Variants in WDFY3 observed in about 807,000 individuals in gnomAD.
The protein encoded by WDFY3 is WD repeat and FYVE domain containing 3, also known as WD repeat and FYVE domain-containing protein 3.
A neutral mutation model predicts 409.6 loss-of-function variants in WDFY3; 66 were observed. The ratio of observed to expected loss-of-function variants is 0.16; its 90% CI spans 0.13 to 0.20. The LOEUF (loss-of-function observed/expected upper bound fraction) is 0.20, where lower values mean the gene tolerates loss of function less well. Ranked by LOEUF, WDFY3 falls within the 10% of genes least tolerant of loss-of-function variation. The pLI, the probability that WDFY3 is intolerant of heterozygous loss-of-function variation, is 1.00. For missense variants in WDFY3, 3,031 were observed against 4,298.1 expected, an observed-to-expected ratio of 0.71 and a Z score of 8.24; for synonymous variants, 1,521 against 1,537.1, an observed-to-expected ratio of 0.99 and a Z score of 0.25.
At chr4:84,955,276 G>C (rs902936888) in intron 1 of WDFY3, among the ~76,000 whole-genome samples, 1 of 151,742 alleles carries the variant, frequency 6.6e-6, no homozygotes, top group Non-Finnish European at 1.5e-5. Flanking sequence ...AAGAAGAACA[G>C]TAAAGAGGAA....
intron 32 of WDFY3, among the ~76,000 whole-genome samples, chr4:84,759,903 C>T (rs1742216176): frequency 6.7e-6 from 1 of 149,148 alleles, no homozygotes; most frequent in African/African-American, 2.5e-5. Context: ...GGAATGCTTC[C>T]AGTTTTTGCC....
intron 45 of WDFY3, 43 bp downstream of exon 45, chr4:84,726,818 A>AC: frequency 6.4e-7 from 1 of 1,569,588 alleles, no homozygotes; most frequent in Non-Finnish European, 8.6e-7. Flanking sequence ...AAAAAACAAA[A>AC]CTACAAGTAG....
chr4:84,801,420 G>A (rs913758684), intron 17 of WDFY3, among the ~76,000 whole-genome samples: 1 of 152,186 alleles, frequency 6.6e-6, no homozygotes, highest in Non-Finnish European at 1.5e-5. Flanking sequence ...GTGAGAGCTT[G>A]CTAGATTCAA....
Position 84,693,915 on chromosome 4 carries a change from T to G in WDFY3, c.8902-883A>C, listed in dbSNP as rs893984953. 3.5e-4 allele frequency among the ~76,000 whole-genome samples: 51 copies of G among 146,122 alleles called. 1 individual carries two copies. The highest frequency in any genetic ancestry group is 1.2e-3 in the African/African-American group (46 of 39,296). On this transcript the variant is annotated intron_variant, in intron 58 of 67. Transcript: ENST00000295888. ...CGTCTCAAAAAAAAAAAAAAAAAAG[T>G]ACATTTAAGATTACTATTTTTCAAT...
intron 63 of WDFY3, 107 bp from the exon 64 acceptor site, chr4:84,682,577 T>A: frequency 1.1e-6 from 1 of 888,618 alleles, no homozygotes; most frequent in Non-Finnish European, 1.8e-6. Flanking sequence ...TAACTTAATT[T>A]CCATCATGTT....
chr4:84,783,483 T>C (rs972053169), intron 24 of WDFY3, among the ~76,000 whole-genome samples: 3 of 152,166 alleles, frequency 2.0e-5, no homozygotes, highest in Non-Finnish European at 2.9e-5. Flanking sequence ...TTTTTGGAAA[T>C]GTACAAACAC....
chr4:84,752,763 A>T (rs960131489), intron 35 of WDFY3, among the ~76,000 whole-genome samples: 1 of 152,200 alleles, frequency 6.6e-6, no homozygotes, highest in Non-Finnish European at 1.5e-5. Flanking sequence ...GTCCTAGAGT[A>T]TATGGTGGAA....
chr4:84,938,304 G>T (rs1405336535), intron 1 of WDFY3, among the ~76,000 whole-genome samples: 1 of 152,124 alleles, frequency 6.6e-6, no homozygotes, highest in Non-Finnish European at 1.5e-5. Flanking sequence ...ACAACAACTA[G>T]ATTTTTGATG....
chr4:84,766,448 G>A, intron 30 of WDFY3, 76 bp from the exon 31 acceptor site: 1 of 1,385,642 alleles, frequency 7.2e-7, no homozygotes, highest in Non-Finnish European at 9.8e-7. Flanking sequence ...TTCTTGGAAA[G>A]TTTACTGAAA....
Position 84,787,550 on chromosome 4 carries a change from G to A in WDFY3, c.3833C>T (p.Ser1278Leu). 2.5e-6 allele frequency: 4 copies of A among 1,614,142 alleles called. No individual in the cohort carries two copies. The highest frequency in any genetic ancestry group is 3.4e-6 in the Non-Finnish European group (4 of 1,180,030). The change falls in exon 23 of 68, where the codon TCA (serine) becomes TTA (leucine). Residue 1278 changes from serine to leucine, a missense_variant. Transcript: ENST00000295888. ...THFLEEVLPSSNVTTIYELGP... is the reference protein window; with the variant it reads ...THFLEEVLPSLNVTTIYELGP... ...AAGTTCATAAATGGTAGTAACATTT[G>A]AAGAAGGTAAAACTTCTTCTAGAAA...
chr4:84,958,848 T>C (rs543886887), intron 1 of WDFY3, among the ~76,000 whole-genome samples: 4 of 152,184 alleles, frequency 2.6e-5, no homozygotes, highest in Non-Finnish European at 5.9e-5. Flanking sequence ...AGTCCTACAA[T>C]TCTCACTCCC....
chr4:84,918,027 G>A (rs1768738403), intron 2 of WDFY3, among the ~76,000 whole-genome samples: 1 of 152,044 alleles, frequency 6.6e-6, no homozygotes, highest in Admixed American at 6.6e-5. Flanking sequence ...CCTTCAGATT[G>A]GCAAAAATTC....
chr4:84,832,454 T>C (rs149264009), intron 7 of WDFY3, among the ~76,000 whole-genome samples: 2 of 152,298 alleles, frequency 1.3e-5, no homozygotes, highest in Non-Finnish European at 2.9e-5. Flanking sequence ...CAATGTATTG[T>C]ATATTTTTAA....
intron 2 of WDFY3, among the ~76,000 whole-genome samples, chr4:84,911,286 A>T (rs1767742128): frequency 1.3e-5 from 2 of 152,170 alleles, no homozygotes; most frequent in South Asian, 4.1e-4. Flanking sequence ...CAGGAGTTTG[A>T]GACCACCCTG....
rs145801081 is a variant in WDFY3, at chr4:84,959,738, T to C, written c.-226+6471A>G. Among the ~76,000 whole-genome samples, 26 of 152,326 alleles carry C rather than the reference T, an allele frequency of 1.7e-4. No individual in the cohort carries two copies. The East Asian group carries it at 4.8e-3, about 28-fold the overall frequency. On this transcript the variant is annotated intron_variant, in intron 1 of 67. Coordinates refer to ENST00000295888, the MANE Select transcript of WDFY3 (RefSeq NM_014991.6). ...ATGCCTGTGTAAATATCTCAGCAGA[T>C]ATGTCTAAACCAGCAGTTGGACATA...
chr4:84,925,824 C>A (rs1405581535), intron 2 of WDFY3, among the ~76,000 whole-genome samples: 1 of 152,058 alleles, frequency 6.6e-6, no homozygotes, highest in Non-Finnish European at 1.5e-5. Flanking sequence ...AGCAGTGCCA[C>A]ACCCCTCTCT....
At chr4:84,735,165 G>T in intron 42 of WDFY3, 45 bp from the exon 43 acceptor site, 1 of 1,536,784 alleles carries the variant, frequency 6.5e-7, no homozygotes, top group Non-Finnish European at 8.9e-7. Flanking sequence ...ATGGATTTCT[G>T]GAAAAAAATA....
intron 12 of WDFY3, 118 bp downstream of exon 12, chr4:84,819,967 C>T (rs575347883): frequency 1.1e-6 from 1 of 874,052 alleles, no homozygotes; most frequent in East Asian, 2.7e-5. Flanking sequence ...CGGGTACCAT[C>T]ACTGAATCAA....
chr4:84,776,162 T>C (rs1026201117), intron 27 of WDFY3, among the ~76,000 whole-genome samples: 1 of 151,996 alleles, frequency 6.6e-6, no homozygotes, highest in Non-Finnish European at 1.5e-5. Flanking sequence ...TACAATAGCA[T>C]AAAAATGGGA....
Sources: gnomAD v4.1 joint callset for allele counts (sites outside exome capture counted in the v4.1 genomes callset) on GRCh38, gnomAD v4.1.1 for gene constraint, MANE v1.5 for transcripts, NCBI Gene and HGNC (gene_info 2026-07-23, HGNC 2026-07-21) for gene names.